SHROOM4: variants seen among roughly 807,000 people sequenced by gnomAD.
SHROOM4 encodes the protein protein Shroom4.
Under a neutral mutation model 80.3 loss-of-function variants are expected in SHROOM4, and 17 were observed. The observed-to-expected ratio is 0.21, with a 90% CI of 0.14 to 0.32. SHROOM4 has a LOEUF of 0.32. Ranked by LOEUF, SHROOM4 falls within the 10% of genes least tolerant of loss-of-function variation. SHROOM4 has a pLI of 1.00. For synonymous variants in SHROOM4, 400 were observed against 437.5 expected, an observed-to-expected ratio of 0.91 and a Z score of 1.07; for missense variants, 993 against 1,140.3, an observed-to-expected ratio of 0.87 and a Z score of 1.86.
At chrX:50,726,599 G>C (rs1172619370) in intron 1 of SHROOM4, among the ~76,000 whole-genome samples, 1 of 112,781 alleles carries the variant, frequency 8.9e-6, no homozygotes, top group East Asian at 2.8e-4. Context: ...ATGGCTAAAA[G>C]GGAAAAACGT....
At position 50,787,669 on chromosome X, in the gene SHROOM4, G is replaced by T. The variant is rs782597588; in HGVS notation, c.117+26233C>A. Among the ~76,000 whole-genome samples the T allele has an allele frequency of 4.6e-5, 5 of 107,870 alleles. No homozygotes were observed. In the South Asian group the frequency reaches 1.6e-3, roughly 35 times the overall value. 93.7% of individuals were successfully genotyped at this position (107,870 alleles called of 115,157 possible). A position where few individuals can be genotyped will look rare whatever the true frequency, so the allele number is the denominator to read the frequency against. On this transcript the variant is annotated intron_variant, in intron 1 of 8. Coordinates refer to ENST00000376020, the MANE Select transcript of SHROOM4 (RefSeq NM_020717.5). Reference sequence around the variant, plus strand: ...AAAGAGAAGTTTGAAAGTAGCAAAAGAAAAATAACCTGTCATATAAAAGAA... The same window carrying T: ...AAAGAGAAGTTTGAAAGTAGCAAAATAAAAATAACCTGTCATATAAAAGAA...
At chrX:50,639,183 G>C (rs1931490570) in intron 2 of SHROOM4, among the ~76,000 whole-genome samples, 1 of 112,531 alleles carries the variant, frequency 8.9e-6, no homozygotes, top group African/African-American at 3.2e-5. Flanking sequence ...CGCATGAGCA[G>C]TTGCCACCCT....
intron 2 of SHROOM4, among the ~76,000 whole-genome samples, chrX:50,654,292 G>C (rs782374965): frequency 9.0e-6 from 1 of 111,118 alleles, no homozygotes; most frequent in Admixed American, 9.6e-5. Flanking sequence ...TTTTCATTAA[G>C]GCTTTTGTCT....
chrX:50,595,637 ACTC>A lies in SHROOM4; in HGVS notation c.*1055_*1057del. The A allele has an allele frequency of 8.0e-6, 2 of 251,084 alleles. No homozygotes were observed. The highest frequency in any genetic ancestry group is 1.5e-3 in the Middle Eastern group (1 of 685). 20.7% of individuals were successfully genotyped at this position (251,084 alleles called of 1,213,427 possible). On this transcript the variant is annotated 3_prime_UTR_variant, in exon 9 of 9. Coordinates refer to ENST00000376020, the MANE Select transcript of SHROOM4 (RefSeq NM_020717.5). Reference sequence around the variant, plus strand: ...GGGAGGCTCTGAGTTCAAGGGGAAAACTCCTTCCTAGACATCGGTAGCTATGGT... The same window carrying A: ...GGGAGGCTCTGAGTTCAAGGGGAAAACTTCCTAGACATCGGTAGCTATGGT...
At chrX:50,794,426 C>G (rs1349901928) in intron 1 of SHROOM4, among the ~76,000 whole-genome samples, 1 of 109,787 alleles carries the variant, frequency 9.1e-6, no homozygotes, top group African/African-American at 3.3e-5. Flanking sequence ...AGACAGAACT[C>G]ATTTACAAAA....
At chrX:50,717,660 T>TCCA (rs1187372981) in intron 1 of SHROOM4, among the ~76,000 whole-genome samples, 3 of 111,383 alleles carry the variant, frequency 2.7e-5, no homozygotes, top group Non-Finnish European at 5.7e-5. Flanking sequence ...TTACATCACT[T>TCCA]CCACCAGATA....
At chrX:50,744,015 C>T (rs781960348) in intron 1 of SHROOM4, among the ~76,000 whole-genome samples, 9 of 111,227 alleles carry the variant, frequency 8.1e-5, no homozygotes, top group African/African-American at 2.9e-4. Context: ...AGTCATTTTC[C>T]TCTGGCTGCT....
In SHROOM4 at chrX:50,631,012, G is replaced by A. The variant is rs151233915; in HGVS notation, c.2895+2166C>T. On this transcript the variant is annotated intron_variant, in intron 4 of 8. Transcript: ENST00000376020. ...ACTCTTCCTGAAAATAAAAGAGAAG[G>A]GAATACATCCCAACTCATTTTTTAA... Among the ~76,000 whole-genome samples, 109 of 110,600 alleles carry A rather than the reference G, an allele frequency of 9.9e-4. No individual in the cohort carries two copies. The East Asian group carries it at 0.027, about 27-fold the overall frequency.
chrX:50,798,936 C>G (rs189060505), intron 1 of SHROOM4, among the ~76,000 whole-genome samples: 16 of 111,552 alleles, frequency 1.4e-4, no homozygotes, highest in African/African-American at 4.6e-4. Context: ...CCTATGAGGT[C>G]ACCCAAAGAA....
At chrX:50,640,352 C>G (rs1238159542) in intron 2 of SHROOM4, among the ~76,000 whole-genome samples, 1 of 109,623 alleles carries the variant, frequency 9.1e-6, no homozygotes, top group Non-Finnish European at 1.9e-5. Flanking sequence ...TCTACTGAGT[C>G]TTTTTTTTAT....
chrX:50,658,781 G>A (rs1480610459), intron 2 of SHROOM4, among the ~76,000 whole-genome samples: 1 of 111,266 alleles, frequency 9.0e-6, no homozygotes, highest in Non-Finnish European at 1.9e-5. Context: ...GAGAACTTAG[G>A]ACAAAGAAAA....
chrX:50,688,846 T>C (rs941703889), intron 2 of SHROOM4, among the ~76,000 whole-genome samples: 32 of 110,535 alleles, frequency 2.9e-4, no homozygotes, highest in African/African-American at 9.5e-4. Context: ...TATGAGTAAC[T>C]GGTTTTCTTG....
intron 1 of SHROOM4, among the ~76,000 whole-genome samples, chrX:50,799,100 C>T (rs1325813253): frequency 8.9e-6 from 1 of 112,368 alleles, no homozygotes; most frequent in Non-Finnish European, 1.9e-5. Flanking sequence ...CATTCCCACA[C>T]TCTATGAGCC....
intron 1 of SHROOM4, among the ~76,000 whole-genome samples, chrX:50,739,113 A>T (rs1295659338): frequency 2.7e-5 from 3 of 111,687 alleles, no homozygotes; most frequent in Non-Finnish European, 5.6e-5. Flanking sequence ...GGTGCTGGGA[A>T]AACTGGCTAG....
chrX:50,764,931 CGAA>C (rs1935240704), intron 1 of SHROOM4, among the ~76,000 whole-genome samples: 1 of 111,768 alleles, frequency 8.9e-6, no homozygotes, highest in Non-Finnish European at 1.9e-5. Context: ...TGGCAGAAGG[CGAA>C]GGAGAAGCAA....
In SHROOM4 at chrX:50,690,866, C is replaced by G. The variant is rs782573346; in HGVS notation, c.269+4920G>C. Among the ~76,000 whole-genome samples the G allele has an allele frequency of 4.3e-3, 479 of 112,127 alleles. 4 individuals are homozygous for G. The highest frequency in any genetic ancestry group is 7.9e-3 in the Non-Finnish European group (419 of 53,207). ...CCTGTAGTCCCAGCTACTTGGGAGG[C>G]TGAGGCAGGAGAATTGCTTGAACCC... On this transcript the variant is annotated intron_variant, in intron 2 of 8. Coordinates refer to ENST00000376020, the MANE Select transcript of SHROOM4 (RefSeq NM_020717.5).
chrX:50,630,954 C>T (rs1186982617), intron 4 of SHROOM4, among the ~76,000 whole-genome samples: 1 of 111,593 alleles, frequency 9.0e-6, no homozygotes, highest in African/African-American at 3.3e-5. Flanking sequence ...GTGATGAATT[C>T]AAGCAAACAT....
rs1392739279 is a variant in SHROOM4 at position 50,811,026 on chromosome X, A to G, written c.117+2876T>C. 8.9e-5 allele frequency among the ~76,000 whole-genome samples: 10 copies of G among 112,210 alleles called. No individual in the cohort carries two copies. The Admixed American group carries it at 9.4e-4, about 11-fold the overall frequency. On this transcript the variant is annotated intron_variant, in intron 1 of 8. Coordinates refer to ENST00000376020, the MANE Select transcript of SHROOM4 (RefSeq NM_020717.5). ...CCAGAGCTAGCATAAAAGATTAGCTATTTGGCCAGGAGTGGTGGCTCACGC... is the reference window on the plus strand; with the variant it reads ...CCAGAGCTAGCATAAAAGATTAGCTGTTTGGCCAGGAGTGGTGGCTCACGC...
chrX:50,773,893 C>T lies in SHROOM4; in HGVS notation c.117+40009G>A, dbSNP rs189297641. ...CTAAAAGCAATGACCAGGGTACCAT[C>T]GGTGAGATAGATCAGAGGAGATGAA... On this transcript the variant is annotated intron_variant, in intron 1 of 8. Coordinates refer to ENST00000376020, the MANE Select transcript of SHROOM4 (RefSeq NM_020717.5). Among the ~76,000 whole-genome samples the T allele has an allele frequency of 7.1e-5, 8 of 112,069 alleles. No individual in the cohort carries two copies. The Admixed American group carries it at 7.5e-4, about 11-fold the overall frequency.
Sources: gnomAD v4.1 joint callset for allele counts (sites outside exome capture counted in the v4.1 genomes callset) on GRCh38, gnomAD v4.1.1 for gene constraint, MANE v1.5 for transcripts, NCBI Gene and HGNC (gene_info 2026-07-23, HGNC 2026-07-21) for gene names.